PLEKHA7: variants seen among roughly 807,000 people sequenced by gnomAD.
PLEKHA7 encodes the protein pleckstrin homology domain containing A7, also known as pleckstrin homology domain-containing family A member 7.
Under a neutral mutation model 170.0 loss-of-function variants are expected in PLEKHA7, and 104 were observed. That is an observed-to-expected ratio of 0.61 (90% CI 0.52 to 0.72). The LOEUF (loss-of-function observed/expected upper bound fraction) is 0.72. Among genes scored for constraint, PLEKHA7 ranks in the 30% least tolerant of loss-of-function variants. The pLI is 0.00. For synonymous variants in PLEKHA7, 648 were observed against 660.8 expected (o/e 0.98, Z 0.30); for missense variants, 1,615 against 1,671.7 (o/e 0.97, Z 0.59).
intron 3 of PLEKHA7, among the ~76,000 whole-genome samples, chr11:16,946,089 T>A (rs1861011483): frequency 6.6e-6 from 1 of 152,134 alleles, no homozygotes; most frequent in Non-Finnish European, 1.5e-5. Flanking sequence ...TTTCCCAACC[T>A]CTCCTCATGG....
chr11:16,831,408 G>A (rs1851096605), intron 9 of PLEKHA7, among the ~76,000 whole-genome samples: 1 of 152,210 alleles, frequency 6.6e-6, no homozygotes, highest in Non-Finnish European at 1.5e-5. Context: ...ACGATGGGAA[G>A]GAATGAAGCA....
chr11:16,988,102 G>C lies in PLEKHA7; in HGVS notation c.221+25887C>G, dbSNP rs1180667478. On this transcript the variant is annotated intron_variant, in intron 3 of 26. Transcript: ENST00000531066. The stretch of plus-strand genomic sequence containing the variant: ...CTACCTCACCTACAGGGGAAGGACT[G>C]ATGTGATCCCCTTTCACAGAGAAGG... Among the ~76,000 whole-genome samples, 10 of 152,346 alleles carry C rather than the reference G, an allele frequency of 6.6e-5. No individual in the cohort carries two copies. In the East Asian group the frequency reaches 1.9e-3, roughly 29 times the overall value.
At position 16,855,897 on chromosome 11, in the gene PLEKHA7, G is replaced by C. The variant is rs201260044; in HGVS notation, c.323C>G (p.Ser108Trp). The C allele has an allele frequency of 5.6e-6, 9 of 1,613,934 alleles. No homozygotes were observed. The South Asian group carries it at 9.9e-5, about 18-fold the overall frequency. Reference protein sequence around the residue: ...ILQEEPNPHMSKQDRNQRPSS... With the variant: ...ILQEEPNPHMWKQDRNQRPSS... The stretch of plus-strand genomic sequence containing the variant: ...CGGTCTTTGGTTTCTGTCTTGCTTC[G>C]ACATATGTGGATTCGGCCTGTGAGG... Residue 108 changes from serine to tryptophan, a missense_variant, in exon 5 of 27, where the codon TCG becomes TGG. Transcript: ENST00000531066.
Position 16,816,118 on chromosome 11 carries a change from G to C in PLEKHA7, c.1953+60C>G. On this transcript the variant is annotated intron_variant, in intron 12 of 26. Transcript: ENST00000531066. ...CTCTGGACTGCATTGTACTAACTCA[G>C]AGGAAGGAAAATGTTGATGAGATAG... is the stretch of plus-strand genomic sequence containing the variant. The C allele has an allele frequency of 2.1e-6, 3 of 1,413,480 alleles. No individual in the cohort carries two copies. In the Admixed American group the frequency reaches 5.1e-5, roughly 24 times the overall value. The allele number at this position is 1,413,480 out of a possible 1,614,324, so 87.6% of individuals were successfully genotyped here.
chr11:16,889,420 A>AAAAAAAAAAATATATAT (rs61086849), intron 3 of PLEKHA7, among the ~76,000 whole-genome samples: 3 of 74,686 alleles, frequency 4.0e-5, no homozygotes, highest in African/African-American at 6.3e-5. Flanking sequence ...AAAAAAAAAA[A>AAAAAAAAAAATATATAT]ATATATATAT....
chr11:16,908,756 G>A lies in PLEKHA7; in HGVS notation c.222-37574C>T, dbSNP rs140427205. ...GGTGATCCACCCGGCTCAGCCTCCC[G>A]AAGTGCTGGGATTACAGGCATGAGC... is the stretch of plus-strand genomic sequence containing the variant. On this transcript the variant is annotated intron_variant, in intron 3 of 26. Coordinates refer to ENST00000531066, the MANE Select transcript of PLEKHA7 (RefSeq NM_001329630.2). Among the ~76,000 whole-genome samples the A allele has an allele frequency of 5.0e-3, 764 of 152,108 alleles. 3 individuals are homozygous for A. The highest frequency in any genetic ancestry group is 0.016 in the African/African-American group (666 of 41,500).
In PLEKHA7 at chr11:16,791,394, C is replaced by T; in HGVS notation, c.2746-195G>A. ...GAAGGGACATGCTCTGCTCCTCTATCCCCTCAGAGGTATACAGTTTCTATT... is the reference window on the plus strand; with the variant it reads ...GAAGGGACATGCTCTGCTCCTCTATTCCCTCAGAGGTATACAGTTTCTATT... On this transcript the variant is annotated intron_variant, in intron 19 of 26. Transcript: ENST00000531066. This position sits in a 1 kb window ranked among gnomAD's most constrained non-coding sequence, Gnocchi z 4.5. 4.9e-6 allele frequency: 3 copies of T among 616,478 alleles called. No individual in the cohort carries two copies. Among genetic ancestry groups the T allele is most frequent in the Non-Finnish European group, 5.8e-6 (2 of 347,000 alleles). The allele number at this position is 616,478 out of a possible 1,614,324, so 38.2% of individuals were successfully genotyped here.
At chr11:16,922,834 GGA>G (rs1859197649) in intron 3 of PLEKHA7, among the ~76,000 whole-genome samples, 1 of 152,142 alleles carries the variant, frequency 6.6e-6, no homozygotes, top group African/African-American at 2.4e-5. Flanking sequence ...CTGGTGCAGA[GGA>G]GAGACAGGCT....
intron 9 of PLEKHA7, among the ~76,000 whole-genome samples, chr11:16,836,385 AG>A (rs1851513037): frequency 6.6e-6 from 1 of 152,236 alleles, no homozygotes; most frequent in African/African-American, 2.4e-5. Flanking sequence ...CTCCTTTTAA[AG>A]GTAAATTTCT....
intron 10 of PLEKHA7, among the ~76,000 whole-genome samples, chr11:16,823,031 A>G (rs907892028): frequency 5.9e-5 from 9 of 151,928 alleles, no homozygotes; most frequent in African/African-American, 2.2e-4. Flanking sequence ...TTTTTGCTCT[A>G]TCATCCAGGC....
At chr11:16,872,690 T>A (rs927952263) in intron 3 of PLEKHA7, among the ~76,000 whole-genome samples, 3 of 152,094 alleles carry the variant, frequency 2.0e-5, no homozygotes, top group Non-Finnish European at 4.4e-5. Context: ...CAGCTAAGTT[T>A]TGGGTTTTTT....
chr11:16,849,544 G>A (rs180755794), intron 8 of PLEKHA7, among the ~76,000 whole-genome samples: 17 of 152,298 alleles, frequency 1.1e-4, no homozygotes, highest in East Asian at 9.6e-4. Context: ...TACCTCCTGC[G>A]ATGTCTGTGC....
intron 3 of PLEKHA7, among the ~76,000 whole-genome samples, chr11:17,011,745 T>C (rs1321799173): frequency 6.6e-6 from 1 of 152,142 alleles, no homozygotes; most frequent in Non-Finnish European, 1.5e-5. Flanking sequence ...TTGAATAACA[T>C]CTATTATACC....
At chr11:16,829,666 C>G (rs1010392318) in intron 9 of PLEKHA7, among the ~76,000 whole-genome samples, 2 of 152,148 alleles carry the variant, frequency 1.3e-5, no homozygotes, top group Non-Finnish European at 2.9e-5. Flanking sequence ...GCCCCAGCTA[C>G]TCAGGAGGCT....
In PLEKHA7 at chr11:16,794,684, G is replaced by C. The variant is rs367736520; in HGVS notation, c.2549C>G (p.Pro850Arg). 6.2e-7 allele frequency: 1 copy of C among 1,614,052 alleles called. No individual in the cohort carries two copies. The highest frequency in any genetic ancestry group is 8.5e-7 in the Non-Finnish European group (1 of 1,180,010). ...ERKTVPLFPH[P>R]PVPSLSTSES... ...AGAAGTTGAGAGTGAAGGCACAGGC[G>C]GGTGAGGAAACAAAGGCACCGTTTT... Residue 850 changes from proline (P) to arginine (R), a missense_variant, in exon 19 of 27, where the codon CCG becomes CGG. Pro to Arg is a moderately radical substitution (Grantham distance 103). Coordinates refer to ENST00000531066, the MANE Select transcript of PLEKHA7 (RefSeq NM_001329630.2).
intron 3 of PLEKHA7, among the ~76,000 whole-genome samples, chr11:16,927,979 G>A (rs1439302848): frequency 6.6e-6 from 1 of 151,796 alleles, no homozygotes; most frequent in Admixed American, 6.6e-5. Flanking sequence ...TCCCAATTGT[G>A]TGTGGAGGGG....
chr11:16,917,301 C>A (rs7117859), intron 3 of PLEKHA7, among the ~76,000 whole-genome samples: 8,012 of 152,248 alleles, frequency 0.053, 679 homozygotes, highest in African/African-American at 0.18. Context: ...CAGAGATATG[C>A]TGTATTCACT....
At chr11:16,957,945 G>A (rs1861811527) in intron 3 of PLEKHA7, among the ~76,000 whole-genome samples, 1 of 151,796 alleles carries the variant, frequency 6.6e-6, no homozygotes, top group African/African-American at 2.4e-5. Context: ...CCTCGTGATC[G>A]GCCCACCTCG....
intron 3 of PLEKHA7, among the ~76,000 whole-genome samples, chr11:16,890,240 C>T (rs1205127326): frequency 6.6e-6 from 1 of 152,110 alleles, no homozygotes; most frequent in African/African-American, 2.4e-5. Context: ...AGCAATTATA[C>T]AATCGAGACT....
Sources: gnomAD v4.1 joint callset for allele counts (sites outside exome capture counted in the v4.1 genomes callset) on GRCh38, gnomAD v4.1.1 for gene constraint, Gnocchi (gnomAD v3.1) non-coding constraint, MANE v1.5 for transcripts, NCBI Gene and HGNC (gene_info 2026-07-23, HGNC 2026-07-21) for gene names.